Variants in PTPRT observed in about 807,000 individuals in gnomAD.
The protein encoded by PTPRT is receptor-type tyrosine-protein phosphatase T.
PTPRT carries 56 observed loss-of-function variants against 176.8 expected under a neutral mutation model. The observed-to-expected ratio is 0.32, with a 90% CI of 0.26 to 0.40. The LOEUF is 0.40. Ranked by LOEUF, PTPRT falls within the 10% of genes least tolerant of loss-of-function variation. PTPRT has a pLI of 1.00. For synonymous variants in PTPRT, 783 were observed against 739.0 expected (o/e 1.06, Z -0.96); for missense variants, 1,540 against 1,908.2 (o/e 0.81, Z 3.60).
intron 7 of PTPRT, among the ~76,000 whole-genome samples, chr20:42,478,734 T>C (rs1045131380): frequency 6.6e-6 from 1 of 151,882 alleles, no homozygotes. Context: ...CTCGATGACA[T>C]TTTTTTTCCT....
chr20:42,408,610 T>TTC (rs2058983626), intron 9 of PTPRT, among the ~76,000 whole-genome samples: 2 of 58,000 alleles, frequency 3.4e-5, no homozygotes, highest in African/African-American at 7.5e-5. Context: ...CCTGTGTTTT[T>TTC]TTTTTTCCTA....
At chr20:42,842,432 T>C (rs1048188838) in intron 2 of PTPRT, among the ~76,000 whole-genome samples, 1 of 151,720 alleles carries the variant, frequency 6.6e-6, no homozygotes, top group African/African-American at 2.4e-5. Flanking sequence ...ATTTTTATTA[T>C]GTTTTTTGAG....
Position 42,074,920 on chromosome 20 carries a change from G to GAT in PTPRT, c.*5957_*5958dup. 1 of 398,358 alleles carries GAT rather than the reference G, an allele frequency of 2.5e-6. No homozygotes were observed. Among genetic ancestry groups the GAT allele is most frequent in the Non-Finnish European group, 4.4e-6 (1 of 225,954 alleles). 24.7% of individuals were successfully genotyped at this position (398,358 alleles called of 1,614,324 possible). Reference sequence around the variant, plus strand: ...TGCTCATGTGCACAAATATGGCTTAGATATCTCTGCTGTGCTTCGGAGGAT... The same window carrying GAT: ...TGCTCATGTGCACAAATATGGCTTAGATATATCTCTGCTGTGCTTCGGAGGAT... On this transcript the variant is annotated 3_prime_UTR_variant, in exon 31 of 31. Coordinates refer to ENST00000373187, the MANE Select transcript of PTPRT (RefSeq NM_007050.6).
At chr20:42,314,743 T>C (rs1277351476) in intron 12 of PTPRT, among the ~76,000 whole-genome samples, 2 of 152,174 alleles carry the variant, frequency 1.3e-5, no homozygotes, top group Non-Finnish European at 2.9e-5. Context: ...GTGGTTGCAT[T>C]GGTTTTGTAG....
chr20:42,350,226 T>TTTGTTG (rs1555830541), intron 11 of PTPRT, among the ~76,000 whole-genome samples: 1 of 88,148 alleles, frequency 1.1e-5, no homozygotes, highest in South Asian at 3.8e-4. Flanking sequence ...TTTTTTTTTT[T>TTTGTTG]TTTTTTTTTT....
chr20:43,160,819 T>C (rs6030675), intron 1 of PTPRT, among the ~76,000 whole-genome samples: 1 of 151,890 alleles, frequency 6.6e-6, no homozygotes, highest in Non-Finnish European at 1.5e-5. Context: ...TTTAAGATAT[T>C]GGCCCTGTAC....
intron 11 of PTPRT, among the ~76,000 whole-genome samples, chr20:42,329,755 A>G (rs16986772): frequency 1.3e-5 from 2 of 152,014 alleles, no homozygotes; most frequent in Admixed American, 6.6e-5. Context: ...AAAATTTCCC[A>G]AATGTCAGTA....
At chr20:42,810,821 C>T (rs758149668) in intron 2 of PTPRT, among the ~76,000 whole-genome samples, 6 of 152,318 alleles carry the variant, frequency 3.9e-5, no homozygotes, top group South Asian at 2.1e-4. Flanking sequence ...AGAAGTCTTT[C>T]GACGCTGCCT....
At chr20:42,905,648 CAA>C (rs1184845869) in intron 1 of PTPRT, among the ~76,000 whole-genome samples, 1 of 152,110 alleles carries the variant, frequency 6.6e-6, no homozygotes, top group East Asian at 1.9e-4. Flanking sequence ...TTCGCAATAG[CAA>C]AGACTTGAAA....
At chr20:42,796,643 T>C (rs1472157537) in intron 2 of PTPRT, among the ~76,000 whole-genome samples, 1 of 152,238 alleles carries the variant, frequency 6.6e-6, no homozygotes, top group African/African-American at 2.4e-5. Flanking sequence ...AGAGCATATG[T>C]TGCCTTCAGG....
At chr20:43,141,002 C>T (rs2146399951) in intron 1 of PTPRT, among the ~76,000 whole-genome samples, 1 of 152,334 alleles carries the variant, frequency 6.6e-6, no homozygotes, top group Middle Eastern at 3.4e-3. Flanking sequence ...AATCCACATT[C>T]AATAAGCCAC....
chr20:42,358,780 T>G (rs2058392250), intron 9 of PTPRT, among the ~76,000 whole-genome samples: 1 of 152,218 alleles, frequency 6.6e-6, no homozygotes, highest in Non-Finnish European at 1.5e-5. Context: ...TACGCTTTTC[T>G]TGGTGCCCAG....
At position 42,086,753 on chromosome 20, in the gene PTPRT, A is replaced by AATATATATATATATATATAT. The variant is rs1555858329; in HGVS notation, c.3847-901_3847-900insATATATATATATATATATAT. Among the ~76,000 whole-genome samples the AATATATATATATATATATAT allele has an allele frequency of 2.6e-3, 251 of 95,314 alleles. 3 individuals carry two copies. Among genetic ancestry groups the AATATATATATATATATATAT allele is most frequent in the East Asian group, 5.1e-3 (15 of 2,944 alleles). 62.5% of individuals were successfully genotyped at this position (95,314 alleles called of 152,430 possible). On this transcript the variant is annotated intron_variant, in intron 27 of 30. Transcript: ENST00000373187. ...AAAAAAAAAAAAAAAAAAAAAAAAAAATATATATATATATGGGTTTGACCT... is the reference window on the plus strand; with the variant it reads ...AAAAAAAAAAAAAAAAAAAAAAAAAAATATATATATATATATATATATATATATATATATGGGTTTGACCT...
At chr20:42,759,617 G>A (rs995739129) in intron 5 of PTPRT, among the ~76,000 whole-genome samples, 7 of 152,204 alleles carry the variant, frequency 4.6e-5, no homozygotes, top group African/African-American at 1.4e-4. Context: ...AAGGATGTGT[G>A]CACACAGAAG....
intron 15 of PTPRT, among the ~76,000 whole-genome samples, chr20:42,220,248 A>T (rs548447985): frequency 2.0e-5 from 3 of 152,318 alleles, no homozygotes; most frequent in Non-Finnish European, 4.4e-5. Context: ...AGATCGAATC[A>T]AACAAAGAGA....
chr20:42,933,859 C>T (rs1160532185), intron 1 of PTPRT, among the ~76,000 whole-genome samples: 3 of 152,200 alleles, frequency 2.0e-5, no homozygotes, highest in African/African-American at 4.8e-5. Flanking sequence ...GTCATCCTCC[C>T]AACCCGACAA....
chr20:42,173,902 T>C (rs187800153), intron 16 of PTPRT, among the ~76,000 whole-genome samples: 3 of 152,322 alleles, frequency 2.0e-5, no homozygotes, highest in Admixed American at 2.0e-4. Flanking sequence ...TTGAAAATAA[T>C]GGCCTTAAAA....
intron 2 of PTPRT, among the ~76,000 whole-genome samples, chr20:42,870,025 A>C (rs1174293151): frequency 1.3e-5 from 2 of 152,158 alleles, no homozygotes; most frequent in East Asian, 3.9e-4. Flanking sequence ...CACCAAACAT[A>C]ATGGTGCCTT....
intron 9 of PTPRT, among the ~76,000 whole-genome samples, chr20:42,401,471 T>C (rs893628791): frequency 2.6e-5 from 4 of 152,116 alleles, no homozygotes; most frequent in Non-Finnish European, 4.4e-5. Flanking sequence ...AGTAATAATG[T>C]CTGTAAGGAA....
Sources: allele counts gnomAD v4.1 joint callset (sites outside exome capture counted in the v4.1 genomes callset), GRCh38; gene constraint gnomAD v4.1.1; transcripts MANE v1.5; gene names NCBI Gene and HGNC (gene_info 2026-07-23, HGNC 2026-07-21).